The following NALCN variants were observed in gnomAD, a reference collection of about 807,000 sequenced individuals.
The protein encoded by NALCN is sodium leak channel, non-selective, also known as sodium leak channel NALCN.
NALCN carries 111 observed loss-of-function variants against 225.3 expected under a neutral mutation model. That is an observed-to-expected ratio of 0.49 (90% confidence interval 0.42 to 0.58). The LOEUF is 0.58. Among genes scored for constraint, NALCN ranks in the 20% least tolerant of loss-of-function variants. NALCN has a pLI of 0.00. For missense variants in NALCN, 1,378 were observed against 2,202.4 expected, an observed-to-expected ratio of 0.63 and a Z score of 7.49; for synonymous variants, 764 against 769.0, an observed-to-expected ratio of 0.99 and a Z score of 0.11.
At chr13:101,377,522 A>G (rs1394382320) in intron 4 of NALCN, among the ~76,000 whole-genome samples, 1 of 152,194 alleles carries the variant, frequency 6.6e-6, no homozygotes, top group African/African-American at 2.4e-5. Context: ...GGAAAAGAAC[A>G]CATTAATGTG....
intron 7 of NALCN, among the ~76,000 whole-genome samples, chr13:101,331,292 G>T (rs1460045921): frequency 6.6e-6 from 1 of 151,976 alleles, no homozygotes; most frequent in African/African-American, 2.4e-5. Context: ...GTGAGATGAA[G>T]AAAAGATTAG....
chr13:101,101,754 T>C (rs1201455040), intron 26 of NALCN, among the ~76,000 whole-genome samples: 2 of 152,108 alleles, frequency 1.3e-5, no homozygotes, highest in African/African-American at 4.8e-5. Context: ...GCTGACTTCT[T>C]TGGTCTCAGC....
intron 7 of NALCN, among the ~76,000 whole-genome samples, chr13:101,293,549 C>A (rs1002216266): frequency 6.6e-6 from 1 of 152,200 alleles, no homozygotes; most frequent in Non-Finnish European, 1.5e-5. Context: ...AATCTCCACT[C>A]ATACATGTTT....
chr13:101,128,106 A>G (rs2036329124), intron 17 of NALCN, among the ~76,000 whole-genome samples: 2 of 152,226 alleles, frequency 1.3e-5, no homozygotes, highest in African/African-American at 4.8e-5. Context: ...CATATCAGAG[A>G]TGTGGGAATA....
At chr13:101,176,201 T>G in intron 15 of NALCN, 99 bp downstream of exon 15, 2 of 809,446 alleles carry the variant, frequency 2.5e-6, no homozygotes, top group Non-Finnish European at 3.6e-6. Context: ...TACATTTTAT[T>G]TTTACTTTGA....
At chr13:101,333,851 A>G (rs1450075366) in intron 7 of NALCN, among the ~76,000 whole-genome samples, 1 of 152,206 alleles carries the variant, frequency 6.6e-6, no homozygotes, top group Non-Finnish European at 1.5e-5. Context: ...TTTCCATGCT[A>G]TTCTATTCAC....
chr13:101,057,904 C>A, intron 43 of NALCN, 35 bp downstream of exon 43: 2 of 1,526,372 alleles, frequency 1.3e-6, no homozygotes, highest in Non-Finnish European at 1.8e-6. Context: ...CTTTAAAATG[C>A]CTCGATCGCT....
In NALCN at chr13:101,180,204, C is replaced by CTTT. The variant is rs71200724; in HGVS notation, c.1765-3833_1765-3831dup. ...TAATCCACTATACTCTCCACCTGGT[C>CTTT]TTTTTTTTTTTTTTTTTTTTGAGAC... On this transcript the variant is annotated intron_variant, in intron 14 of 43. Coordinates refer to ENST00000251127, the MANE Select transcript of NALCN (RefSeq NM_052867.4). 1.0e-4 allele frequency among the ~76,000 whole-genome samples: 11 copies of CTTT among 109,968 alleles called. No individual in the cohort carries two copies. The East Asian group carries it at 1.6e-3, about 16-fold the overall frequency. The allele number at this position is 109,968 out of a possible 152,430, so 72.1% of individuals were successfully genotyped here.
intron 6 of NALCN, chr13:101,368,470 G>T (rs1473932915): frequency 3.9e-5 from 6 of 151,976 alleles, no homozygotes; most frequent in Non-Finnish European, 4.4e-5. Flanking sequence ...ACATACGTGT[G>T]CATGTGTCTT....
At chr13:101,306,105 G>C (rs772627646) in intron 7 of NALCN, among the ~76,000 whole-genome samples, 3 of 152,062 alleles carry the variant, frequency 2.0e-5, no homozygotes, top group Non-Finnish European at 4.4e-5. Context: ...CTCCAGGAGG[G>C]GACTATCCAG....
chr13:101,224,085 C>A (rs889377353), intron 13 of NALCN, among the ~76,000 whole-genome samples: 1 of 152,158 alleles, frequency 6.6e-6, no homozygotes, highest in Non-Finnish European at 1.5e-5. Context: ...TTTCATTATA[C>A]CTCTCTCAAG....
rs2035220435 is a variant in NALCN at position 101,107,861 on chromosome 13, A to C, written c.2365-72T>G. 3 of 1,108,126 alleles carry C rather than the reference A, an allele frequency of 2.7e-6. No individual in the cohort carries two copies. In the African/African-American group the frequency reaches 4.7e-5, roughly 18 times the overall value. 68.6% of individuals were successfully genotyped at this position (1,108,126 alleles called of 1,614,324 possible). A position where few individuals can be genotyped will look rare whatever the true frequency, so the allele number is the denominator to read the frequency against. ...ATGCAAAATATATTATCAGTTAAAA[A>C]ACTTAAAACTAATATCTCCCTCAAT... On this transcript the variant is annotated intron_variant, in intron 20 of 43. Coordinates refer to ENST00000251127, the MANE Select transcript of NALCN (RefSeq NM_052867.4).
chr13:101,154,587 T>C (rs1335048410), intron 15 of NALCN, among the ~76,000 whole-genome samples: 1 of 152,222 alleles, frequency 6.6e-6, no homozygotes, highest in East Asian at 1.9e-4. Flanking sequence ...TTTCCCCTAC[T>C]AGCATGATGC....
intron 2 of NALCN, among the ~76,000 whole-genome samples, chr13:101,396,265 TA>T (rs1443416571): frequency 2.0e-5 from 3 of 152,034 alleles, no homozygotes; most frequent in African/African-American, 7.2e-5. Context: ...TATCTAGGAT[TA>T]AAAAAATACT....
At chr13:101,300,628 CTT>C (rs1250706171) in intron 7 of NALCN, among the ~76,000 whole-genome samples, 2 of 152,146 alleles carry the variant, frequency 1.3e-5, no homozygotes, top group African/African-American at 4.8e-5. Flanking sequence ...AAAAAATAAA[CTT>C]AAGTATTTTT....
At chr13:101,184,796 C>A (rs138681244) in intron 14 of NALCN, among the ~76,000 whole-genome samples, 4 of 152,146 alleles carry the variant, frequency 2.6e-5, no homozygotes, top group African/African-American at 9.7e-5. Context: ...AGCAACATAT[C>A]CTATTTTACA....
chr13:101,171,260 T>G (rs928420892), intron 15 of NALCN, among the ~76,000 whole-genome samples: 1 of 148,864 alleles, frequency 6.7e-6, no homozygotes, highest in African/African-American at 2.4e-5. Flanking sequence ...TATGTATAAT[T>G]TATGTCATGT....
chr13:101,253,745 T>G (rs1197154717), intron 11 of NALCN, among the ~76,000 whole-genome samples: 1 of 152,146 alleles, frequency 6.6e-6, no homozygotes, highest in Non-Finnish European at 1.5e-5. Context: ...GTAAATAAAG[T>G]TTTATTGGAA....
intron 36 of NALCN, among the ~76,000 whole-genome samples, chr13:101,074,020 T>C (rs2033087068): frequency 6.6e-6 from 1 of 152,136 alleles, no homozygotes; most frequent in Non-Finnish European, 1.5e-5. Flanking sequence ...CATATCGGTA[T>C]ATACTTTGTT....
Sources: allele counts gnomAD v4.1 joint callset (sites outside exome capture counted in the v4.1 genomes callset), GRCh38; gene constraint gnomAD v4.1.1; transcripts MANE v1.5; gene names NCBI Gene and HGNC (gene_info 2026-07-23, HGNC 2026-07-21).